Variants in NUDCD3 observed in about 807,000 individuals in gnomAD.
NUDCD3 encodes the protein NudC domain containing 3.
In NUDCD3, 13 loss-of-function variants were observed where a neutral mutation model predicts 39.7. The ratio of observed to expected loss-of-function variants is 0.33; its 90% CI spans 0.21 to 0.52. The LOEUF (loss-of-function observed/expected upper bound fraction) is 0.52. Among genes scored for constraint, NUDCD3 ranks in the 20% least tolerant of loss-of-function variants. The pLI, the probability that NUDCD3 is intolerant of heterozygous loss-of-function variation, is 0.96. For synonymous variants in NUDCD3, 175 were observed against 172.4 expected, an observed-to-expected ratio of 1.02 and a Z score of -0.12; for missense variants, 453 against 458.1, an observed-to-expected ratio of 0.99 and a Z score of 0.10.
At chr7:44,469,438 G>A (rs7792690) in intron 2 of NUDCD3, among the ~76,000 whole-genome samples, 23,115 of 152,116 alleles carry the variant, frequency 0.15, 1,962 homozygotes, top group Non-Finnish European at 0.19. Flanking sequence ...TAAATGGAGA[G>A]AGAATGATAA....
intron 2 of NUDCD3, among the ~76,000 whole-genome samples, chr7:44,430,554 C>CCACACACACACA (rs748912083): frequency 1.4e-3 from 204 of 140,846 alleles, no homozygotes; most frequent in Middle Eastern, 7.1e-3. Context: ...AATAAAATAC[C>CCACACACACACA]CACACACACA....
At chr7:44,461,930 C>G (rs1455345701) in intron 2 of NUDCD3, among the ~76,000 whole-genome samples, 1 of 152,190 alleles carries the variant, frequency 6.6e-6, no homozygotes, top group East Asian at 1.9e-4. Flanking sequence ...TTGGGATGGA[C>G]ACAGTTGGGA....
chr7:44,403,982 G>C (rs1798771617), intron 4 of NUDCD3, among the ~76,000 whole-genome samples: 1 of 152,158 alleles, frequency 6.6e-6, no homozygotes, highest in African/African-American at 2.4e-5. Context: ...AGCCCAATTT[G>C]TGAGCGAGTC....
chr7:44,461,873 G>C (rs1224771296), intron 2 of NUDCD3, among the ~76,000 whole-genome samples: 1 of 152,102 alleles, frequency 6.6e-6, no homozygotes, highest in African/African-American at 2.4e-5. Flanking sequence ...AAGGGAGGAA[G>C]GGGTCCTGGA....
At chr7:44,468,482 A>G (rs937357284) in intron 2 of NUDCD3, among the ~76,000 whole-genome samples, 1 of 152,160 alleles carries the variant, frequency 6.6e-6, no homozygotes, top group Non-Finnish European at 1.5e-5. Flanking sequence ...TCCAAGATTC[A>G]TACTCTTATT....
Position 44,382,105 on chromosome 7 carries a change from C to G in NUDCD3, c.*3906G>C, listed in dbSNP as rs1798314330. 1 of 152,166 alleles carries G rather than the reference C, an allele frequency of 6.6e-6. No individual in the cohort carries two copies. 9.4% of individuals were successfully genotyped at this position (152,166 alleles called of 1,614,324 possible). A position where few individuals can be genotyped will look rare whatever the true frequency, so the allele number is the denominator to read the frequency against. ...GGGATTGAAAACCCCTACCAGACCC[C>G]TGTCACACCAAGGAGCCCAGCGATG... On this transcript the variant is annotated 3_prime_UTR_variant, in exon 6 of 6. Coordinates refer to ENST00000355451, the MANE Select transcript of NUDCD3 (RefSeq NM_015332.4).
At chr7:44,445,067 C>G (rs984489503) in intron 2 of NUDCD3, among the ~76,000 whole-genome samples, 2 of 152,224 alleles carry the variant, frequency 1.3e-5, no homozygotes, top group Non-Finnish European at 2.9e-5. Flanking sequence ...TCCCTCTGCT[C>G]CACCTCCACC....
intron 4 of NUDCD3, among the ~76,000 whole-genome samples, chr7:44,403,589 GT>G: frequency 6.6e-6 from 1 of 152,348 alleles, no homozygotes; most frequent in Admixed American, 6.5e-5. Flanking sequence ...CAGAGTCACT[GT>G]GAGCCTGAGA....
In NUDCD3 at chr7:44,485,161, T is replaced by G; in HGVS notation, c.316A>C (p.Lys106Gln). ...AKTVSAAAAE[K>Q]EPVPVPVQEI... Reference sequence around the variant, plus strand: ...TGGACTGGAACTGGGACTGGCTCCTTCTCAGCTGCAGCAGCTGACACAGTC... The same window carrying G: ...TGGACTGGAACTGGGACTGGCTCCTGCTCAGCTGCAGCAGCTGACACAGTC... The change falls in exon 2 of 6, where the codon AAG (lysine) becomes CAG (glutamine). Residue 106 changes from lysine (K) to glutamine (Q), a missense_variant. Lys to Gln is a moderately conservative substitution (Grantham distance 53, BLOSUM62 1). Coordinates refer to ENST00000355451, the MANE Select transcript of NUDCD3 (RefSeq NM_015332.4). 6.2e-7 allele frequency: 1 copy of G among 1,614,206 alleles called. No individual in the cohort carries two copies. Among genetic ancestry groups the G allele is most frequent in the Non-Finnish European group, 8.5e-7 (1 of 1,180,024 alleles).
chr7:44,411,484 C>A (rs1015551060), intron 3 of NUDCD3, among the ~76,000 whole-genome samples: 1 of 152,120 alleles, frequency 6.6e-6, no homozygotes, highest in East Asian at 1.9e-4. Flanking sequence ...ATAGGCATTT[C>A]GCCAAAGAAG....
Position 44,427,693 on chromosome 7 carries a change from G to C in NUDCD3, c.520C>G (p.Gln174Glu), listed in dbSNP as rs1799264827. ...EPPILPRIQE[Q>E]FQKNPDSYNG... The stretch of plus-strand genomic sequence containing the variant: ...TAACTGTCGGGATTTTTCTGGAACT[G>C]CTCCTGAATCCTGAGAAAGAATAAA... Residue 174 changes from glutamine to glutamate, a missense_variant, in exon 3 of 6, where the codon CAG becomes GAG. Gln to Glu is a conservative substitution (Grantham distance 29, BLOSUM62 2). Coordinates refer to ENST00000355451, the MANE Select transcript of NUDCD3 (RefSeq NM_015332.4). 1 of 1,613,914 alleles carries C rather than the reference G, an allele frequency of 6.2e-7. No individual in the cohort carries two copies. Among genetic ancestry groups the C allele is most frequent in the African/African-American group, 1.3e-5 (1 of 75,022 alleles).
intron 2 of NUDCD3, among the ~76,000 whole-genome samples, chr7:44,430,721 G>T (rs535451978): frequency 6.6e-6 from 1 of 152,218 alleles, no homozygotes; most frequent in Admixed American, 6.5e-5. Flanking sequence ...TAATGCCGGG[G>T]GATATCCTTG....
chr7:44,484,095 C>G (rs1800551793), intron 2 of NUDCD3, among the ~76,000 whole-genome samples: 1 of 152,150 alleles, frequency 6.6e-6, no homozygotes, highest in African/African-American at 2.4e-5. Context: ...GAAGAGAACT[C>G]AAGGTGGCAG....
At chr7:44,427,931 A>C (rs1286392194) in intron 2 of NUDCD3, among the ~76,000 whole-genome samples, 2 of 152,062 alleles carry the variant, frequency 1.3e-5, no homozygotes, top group African/African-American at 4.8e-5. Context: ...AAAGCTACAG[A>C]AAAGAAACCC....
chr7:44,481,744 C>T (rs1023502385), intron 2 of NUDCD3, among the ~76,000 whole-genome samples: 6 of 152,196 alleles, frequency 3.9e-5, no homozygotes, highest in African/African-American at 1.4e-4. Context: ...GTGAACAATG[C>T]TATAGACTGA....
rs184864196 is a variant in NUDCD3 at position 44,476,159 on chromosome 7, C to T, written c.509+8809G>A. Among the ~76,000 whole-genome samples, 52 of 152,224 alleles carry T rather than the reference C, an allele frequency of 3.4e-4. No individual in the cohort carries two copies. In the Middle Eastern group the frequency reaches 0.01, roughly 30 times the overall value. On this transcript the variant is annotated intron_variant, in intron 2 of 5. Transcript: ENST00000355451. ...AGTAAAGGAAGAAGCTGTTTAAAGACGAAACAAGGAACCCAAATTTCTCAG... is the reference window on the plus strand; with the variant it reads ...AGTAAAGGAAGAAGCTGTTTAAAGATGAAACAAGGAACCCAAATTTCTCAG...
intron 2 of NUDCD3, among the ~76,000 whole-genome samples, chr7:44,462,841 T>C (rs1800042451): frequency 6.6e-6 from 1 of 152,194 alleles, no homozygotes. Flanking sequence ...ATACAACATG[T>C]CTGATTCTGG....
intron 2 of NUDCD3, among the ~76,000 whole-genome samples, chr7:44,434,426 GTC>G: frequency 6.6e-6 from 1 of 152,224 alleles, no homozygotes; most frequent in South Asian, 2.1e-4. Flanking sequence ...TGCCAGATTC[GTC>G]TGTCTAGAGG....
At chr7:44,470,361 C>A (rs969966771) in intron 2 of NUDCD3, among the ~76,000 whole-genome samples, 4 of 152,188 alleles carry the variant, frequency 2.6e-5, no homozygotes, top group East Asian at 3.9e-4. Context: ...TCTGATTTCT[C>A]AGCTCACAGA....
Sources: allele counts gnomAD v4.1 joint callset (sites outside exome capture counted in the v4.1 genomes callset), GRCh38; gene constraint gnomAD v4.1.1; transcripts MANE v1.5; gene names NCBI Gene and HGNC (gene_info 2026-07-23, HGNC 2026-07-21).